The following KIAA1217 variants were observed in gnomAD, a reference collection of about 807,000 sequenced individuals.
KIAA1217 encodes the protein KIAA1217.
A neutral mutation model predicts 163.9 loss-of-function variants in KIAA1217; 88 were observed. The observed-to-expected ratio is 0.54, with a 90% CI of 0.45 to 0.64. KIAA1217 has a LOEUF of 0.64. KIAA1217 is among the 30% of genes least tolerant of loss of function. The probability of loss-of-function intolerance (pLI) is 0.00; values close to 1 mark genes in which losing one functional copy is unlikely to be tolerated. For synonymous variants in KIAA1217, 903 were observed against 923.1 expected (o/e 0.98, Z 0.39); for missense variants, 2,372 against 2,475.0 (o/e 0.96, Z 0.88).
intron 1 of KIAA1217, among the ~76,000 whole-genome samples, chr10:23,838,640 C>A (rs1047830341): frequency 5.3e-5 from 8 of 151,994 alleles, no homozygotes; most frequent in African/African-American, 1.9e-4. Context: ...TTTGCATTTT[C>A]AGTGGAGATG....
intron 2 of KIAA1217, among the ~76,000 whole-genome samples, chr10:24,328,754 G>C (rs1004230119): frequency 6.6e-6 from 1 of 151,520 alleles, no homozygotes; most frequent in East Asian, 1.9e-4. Context: ...TTACTTTTCT[G>C]TTTATAGCTT....
chr10:24,487,897 G>A (rs916747314), intron 6 of KIAA1217, among the ~76,000 whole-genome samples: 5 of 152,182 alleles, frequency 3.3e-5, no homozygotes, highest in Non-Finnish European at 7.3e-5. Flanking sequence ...AGAAAGCAAC[G>A]TCAGTATAGC....
At chr10:24,099,569 T>TTATATATATATATATATATATA (rs529207171) in intron 2 of KIAA1217, among the ~76,000 whole-genome samples, 2 of 144,200 alleles carry the variant, frequency 1.4e-5, no homozygotes, top group East Asian at 4.0e-4. Flanking sequence ...CACATTTTCT[T>TTATATATATATATATATATATA]TATATATATA....
chr10:23,764,575 A>G (rs1032223745), intron 1 of KIAA1217, among the ~76,000 whole-genome samples: 2 of 152,246 alleles, frequency 1.3e-5, no homozygotes, highest in Non-Finnish European at 2.9e-5. Context: ...CTGGATAAAG[A>G]AAATATGGTA....
intron 5 of KIAA1217, chr10:24,449,542 C>G: frequency 1.0e-6 from 1 of 985,230 alleles, no homozygotes; most frequent in Non-Finnish European, 1.2e-6. Flanking sequence ...AGAGTAGAAA[C>G]AAAACCTCTG....
At chr10:24,003,505 T>C (rs1357061332) in intron 1 of KIAA1217, among the ~76,000 whole-genome samples, 1 of 152,228 alleles carries the variant, frequency 6.6e-6, no homozygotes, top group African/African-American at 2.4e-5. Context: ...TTTCTTTAAC[T>C]CTGAATATCA....
At chr10:24,027,203 C>T (rs1354263666) in intron 2 of KIAA1217, among the ~76,000 whole-genome samples, 1 of 151,964 alleles carries the variant, frequency 6.6e-6, no homozygotes, top group African/African-American at 2.4e-5. Flanking sequence ...ACTCTGTTTC[C>T]TTAACTCAGG....
intron 1 of KIAA1217, among the ~76,000 whole-genome samples, chr10:23,708,540 A>G (rs1173767037): frequency 6.6e-6 from 1 of 152,092 alleles, no homozygotes; most frequent in Non-Finnish European, 1.5e-5. Context: ...ACTCTTCCCC[A>G]AGCTGAGCTC....
In KIAA1217 at chr10:23,916,771, A is replaced by T. The variant is rs563258896; in HGVS notation, c.-320-90454A>T. On this transcript the variant is annotated intron_variant, in intron 1 of 18. Transcript: ENST00000376462. The stretch of plus-strand genomic sequence containing the variant: ...GGCAGATCACGAGGTCAGAAGATCA[A>T]GACCACCCTGGCTAATATGGTGAAG... 1.6e-3 allele frequency among the ~76,000 whole-genome samples: 248 copies of T among 152,088 alleles called. 1 individual carries two copies. Among genetic ancestry groups the T allele is most frequent in the Admixed American group, 3.4e-3 (52 of 15,270 alleles).
intron 1 of KIAA1217, among the ~76,000 whole-genome samples, chr10:23,774,698 G>A (rs1834935818): frequency 6.6e-6 from 1 of 152,118 alleles, no homozygotes; most frequent in Admixed American, 6.5e-5. Flanking sequence ...GTTCATGGAG[G>A]GAAACCAGAG....
At chr10:24,103,951 G>A (rs2062519855) in intron 2 of KIAA1217, among the ~76,000 whole-genome samples, 1 of 152,112 alleles carries the variant, frequency 6.6e-6, no homozygotes, top group African/African-American at 2.4e-5. Context: ...TTTGAGGAAG[G>A]AGCAAAGCCA....
intron 1 of KIAA1217, among the ~76,000 whole-genome samples, chr10:23,740,805 G>A (rs1222141346): frequency 1.3e-5 from 2 of 152,038 alleles, no homozygotes; most frequent in African/African-American, 2.4e-5. Context: ...GCGCATGCCT[G>A]TAATCCCAGC....
intron 1 of KIAA1217, among the ~76,000 whole-genome samples, chr10:23,790,579 G>GTA (rs1272928778): frequency 7.1e-5 from 8 of 112,216 alleles, no homozygotes; most frequent in Admixed American, 9.3e-5. Flanking sequence ...ATATACATAT[G>GTA]TATATGTACA....
intron 3 of KIAA1217, among the ~76,000 whole-genome samples, chr10:24,418,880 C>G (rs2058493041): frequency 1.3e-5 from 2 of 150,700 alleles, no homozygotes; most frequent in East Asian, 1.9e-4. Context: ...TTGTTCTTAT[C>G]TTTAAGAAAA....
intron 3 of KIAA1217, among the ~76,000 whole-genome samples, chr10:24,382,075 C>CT (rs1191427636): frequency 7.0e-6 from 1 of 142,346 alleles, no homozygotes; most frequent in Non-Finnish European, 1.5e-5. Context: ...TTTTTAATTG[C>CT]TTTTTTTGGC....
chr10:24,540,259 A>G lies in KIAA1217; in HGVS notation c.3535-2434A>G, dbSNP rs530279488. On this transcript the variant is annotated intron_variant, in intron 17 of 20. Coordinates refer to ENST00000376454, the MANE Select transcript of KIAA1217 (RefSeq NM_019590.5). ...ATTTATTTATTTATTTTTGAGACCGAGTCTCGCTCTCTCGCCCAGGCTGGA... is the reference window on the plus strand; with the variant it reads ...ATTTATTTATTTATTTTTGAGACCGGGTCTCGCTCTCTCGCCCAGGCTGGA... Among the ~76,000 whole-genome samples the G allele has an allele frequency of 2.0e-5, 3 of 152,330 alleles. No individual in the cohort carries two copies. The South Asian group carries it at 6.2e-4, about 32-fold the overall frequency.
chr10:24,248,847 A>G (rs1289601365), intron 2 of KIAA1217, among the ~76,000 whole-genome samples: 1 of 152,198 alleles, frequency 6.6e-6, no homozygotes, highest in African/African-American at 2.4e-5. Flanking sequence ...TGTACAGACT[A>G]TTTAGATTTG....
At chr10:24,389,900 G>A (rs2054604319) in intron 3 of KIAA1217, among the ~76,000 whole-genome samples, 1 of 112,756 alleles carries the variant, frequency 8.9e-6, no homozygotes, top group Admixed American at 8.0e-5. Flanking sequence ...GAGACTGCTG[G>A]GGCAGGCATC....
At chr10:24,357,753 G>A (rs1349317108) in intron 2 of KIAA1217, among the ~76,000 whole-genome samples, 1 of 152,188 alleles carries the variant, frequency 6.6e-6, no homozygotes, top group Non-Finnish European at 1.5e-5. Flanking sequence ...TATAGGATGA[G>A]TATTTTCCTC....
Sources: allele counts gnomAD v4.1 joint callset (sites outside exome capture counted in the v4.1 genomes callset), GRCh38; gene constraint gnomAD v4.1.1; transcripts MANE v1.5; gene names NCBI Gene and HGNC (gene_info 2026-07-23, HGNC 2026-07-21).